SH3BP2: variants seen among roughly 807,000 people sequenced by gnomAD.
The protein encoded by SH3BP2 is SH3 domain binding protein 2.
A neutral mutation model predicts 56.2 loss-of-function variants in SH3BP2; 38 were observed. The ratio of observed to expected loss-of-function variants is 0.68; its 90% CI spans 0.52 to 0.89. The LOEUF (loss-of-function observed/expected upper bound fraction) is 0.89. Ranked by LOEUF, SH3BP2 falls within the 40% of genes least tolerant of loss-of-function variation. The pLI, the probability that SH3BP2 is intolerant of heterozygous loss-of-function variation, is 0.00. For synonymous variants in SH3BP2, 346 were observed against 316.7 expected, an observed-to-expected ratio of 1.09 and a Z score of -0.98; for missense variants, 748 against 762.6, an observed-to-expected ratio of 0.98 and a Z score of 0.23.
At chr4:2,821,656 C>T (rs1724312767) in intron 2 of SH3BP2, among the ~76,000 whole-genome samples, 1 of 151,996 alleles carries the variant, frequency 6.6e-6, no homozygotes, top group African/African-American at 2.4e-5. Context: ...ACCTCCCAGG[C>T]TCAGGTGATC....
rs536396560 is a variant in SH3BP2, at chr4:2,837,605, G to A, written c.*3771G>A. 6.6e-6 allele frequency: 1 copy of A among 152,606 alleles called. No homozygotes were observed. Among genetic ancestry groups the A allele is most frequent in the East Asian group, 1.9e-4 (1 of 5,200 alleles). 9.5% of individuals were successfully genotyped at this position (152,606 alleles called of 1,614,324 possible). ...TTTTGAGGGTGATCCAGGCGCTGGA[G>A]GGATGGCCTAGGACACCAGGGTCAC... On this transcript the variant is annotated 3_prime_UTR_variant, in exon 13 of 13. Coordinates refer to ENST00000503393, the MANE Select transcript of SH3BP2 (RefSeq NM_001122681.2).
intron 10 of SH3BP2, 27 bp from the exon 11 acceptor site, chr4:2,832,304 C>A: frequency 6.3e-7 from 1 of 1,592,278 alleles, no homozygotes; most frequent in Non-Finnish European, 8.6e-7. Context: ...GGAGGACTCA[C>A]CCGCTAATAT....
intron 1 of SH3BP2, chr4:2,799,228 A>G: frequency 1.0e-6 from 1 of 985,422 alleles, no homozygotes; most frequent in Non-Finnish European, 1.2e-6. Flanking sequence ...GGAATCTCTG[A>G]AATGCCTTCC....
Position 2,829,676 on chromosome 4 carries a change from A to AC in SH3BP2, c.773dup (p.Leu259ThrfsTer7). On this transcript the variant is annotated frameshift_variant, in exon 8 of 13. Transcript: ENST00000503393. LOFTEE classifies it high-confidence loss of function. The surrounding 1 kb of genome is among the most constrained non-coding windows in gnomAD (Gnocchi z 4.9). ...CTGGCTGCTGAGGACTCCAAGAGGG[A>AC]CCCACTGTGCCCGAGGCGGGCTGAG... 1 of 1,612,500 alleles carries AC rather than the reference A, an allele frequency of 6.2e-7. No individual in the cohort carries two copies. Among genetic ancestry groups the AC allele is most frequent in the Non-Finnish European group, 8.5e-7 (1 of 1,179,732 alleles).
intron 1 of SH3BP2, among the ~76,000 whole-genome samples, chr4:2,812,728 C>T (rs1330391223): frequency 7.3e-6 from 1 of 137,308 alleles, no homozygotes; most frequent in East Asian, 2.2e-4. Flanking sequence ...TAGAACCCCC[C>T]CCACCCCCCC....
intron 1 of SH3BP2, among the ~76,000 whole-genome samples, chr4:2,801,548 C>G (rs1577336171): frequency 6.6e-6 from 1 of 152,296 alleles, no homozygotes; most frequent in East Asian, 1.9e-4. Context: ...GTGGCTGTGG[C>G]CTGCTCTCCC....
At chr4:2,832,912 T>A in intron 11 of SH3BP2, 78 bp from the exon 12 acceptor site, 2 of 1,438,364 alleles carry the variant, frequency 1.4e-6, no homozygotes, top group Non-Finnish European at 2.0e-6. Context: ...TCTGCCCCCC[T>A]ATCCCCAGCC....
chr4:2,802,440 GTGTATGTATATA>G (rs1723326841), intron 1 of SH3BP2, among the ~76,000 whole-genome samples: 1 of 145,660 alleles, frequency 6.9e-6, no homozygotes. Context: ...GTGTGTGTGT[GTGTATGTATATA>G]TGTGTGTGTA....
chr4:2,815,719 C>T (rs1162630483), intron 1 of SH3BP2, among the ~76,000 whole-genome samples: 1 of 152,236 alleles, frequency 6.6e-6, no homozygotes, highest in Admixed American at 6.5e-5. Context: ...TTTCAGCTTC[C>T]TGTGCCTTCC....
In SH3BP2 at chr4:2,838,627, G is replaced by T. The variant is rs1367205907; in HGVS notation, c.*4793G>T. ...GTAAACTTTCTTAAAACATTATAAA[G>T]ATTTTTGTTTGCGATTTTTTTTTTT... On this transcript the variant is annotated 3_prime_UTR_variant, in exon 13 of 13. Coordinates refer to ENST00000503393, the MANE Select transcript of SH3BP2 (RefSeq NM_001122681.2). 7.2e-6 allele frequency: 1 copy of T among 139,284 alleles called. No individual in the cohort carries two copies. The highest frequency in any genetic ancestry group is 1.6e-5 in the Non-Finnish European group (1 of 63,514). The allele number at this position is 139,284 out of a possible 1,614,324, so 8.6% of individuals were successfully genotyped here.
chr4:2,801,452 C>G, intron 1 of SH3BP2, among the ~76,000 whole-genome samples: 1 of 152,226 alleles, frequency 6.6e-6, no homozygotes, highest in Non-Finnish European at 1.5e-5. Flanking sequence ...GCCTCTCTGT[C>G]AGCACCTCTT....
At chr4:2,806,304 C>G (rs956458295) in intron 1 of SH3BP2, among the ~76,000 whole-genome samples, 1 of 152,158 alleles carries the variant, frequency 6.6e-6, no homozygotes, top group Non-Finnish European at 1.5e-5. Flanking sequence ...GACAGTGAAA[C>G]CCTTCAGGCC....
In SH3BP2 at chr4:2,834,152, A is replaced by C; in HGVS notation, c.*318A>C. 2 of 296,022 alleles carry C rather than the reference A, an allele frequency of 6.8e-6. No individual in the cohort carries two copies. The highest frequency in any genetic ancestry group is 4.7e-5 in the Admixed American group (1 of 21,242). 18.3% of individuals were successfully genotyped at this position (296,022 alleles called of 1,614,324 possible). A position where few individuals can be genotyped will look rare whatever the true frequency, so the allele number is the denominator to read the frequency against. ...GAACACTGGTCCCCCCATCACACTC[A>C]CCCCTAAGTGGGCTGGGAGCCAGGC... On this transcript the variant is annotated 3_prime_UTR_variant, in exon 13 of 13. Transcript: ENST00000503393.
intron 3 of SH3BP2, chr4:2,823,358 C>T (rs1365837418): frequency 4.1e-6 from 2 of 492,134 alleles, no homozygotes; most frequent in African/African-American, 1.9e-5. Context: ...TCCTCCCTCC[C>T]CACCTTGCCC....
rs1005466990 is a variant in SH3BP2, at chr4:2,806,717, G to A, written c.-5+13579G>A. Among the ~76,000 whole-genome samples, 12 of 152,302 alleles carry A rather than the reference G, an allele frequency of 7.9e-5. No individual in the cohort carries two copies. In the South Asian group the frequency reaches 1.7e-3, roughly 21 times the overall value. On this transcript the variant is annotated intron_variant, in intron 1 of 12. Transcript: ENST00000503393. ...CCCTGCCTGGCCAGGCCAGAGCTCC[G>A]CCTAGGGCAACCCTCTTCCAGGTGT...
At chr4:2,823,317 C>T (rs1044835754) in intron 3 of SH3BP2, 1 of 541,840 alleles carries the variant, frequency 1.8e-6, no homozygotes, top group African/African-American at 1.9e-5. Context: ...AGAGTCTCCA[C>T]TCGGCCACCA....
chr4:2,829,525 C>A lies in SH3BP2; in HGVS notation c.619C>A (p.Pro207Thr). 1.9e-6 allele frequency: 3 copies of A among 1,613,590 alleles called. No homozygotes were observed. Among genetic ancestry groups the A allele is most frequent in the Non-Finnish European group, 1.7e-6 (2 of 1,179,970 alleles). The change falls in exon 8 of 13, where the codon CCC becomes ACC. Residue 207 changes from proline (P) to threonine (T), a missense_variant. Physicochemically the swap from Pro to Thr is conservative, Grantham distance 38 (BLOSUM62 -1). Around this residue, in one of 3 missense-constraint regions of SH3BP2, gnomAD observed 635 missense variants for 615.0 expected, o/e 1.03. Transcript: ENST00000503393. The surrounding 1 kb of genome is among the most constrained non-coding windows in gnomAD (Gnocchi z 4.9). ...GATGCACCCACCGGCTTACCCACCA[C>A]CCCCAGTGCCCACGCCCAGGAAGCC... ...ALMHPPAYPP[P>T]PVPTPRKPAF...
Position 2,840,234 on chromosome 4 carries a change from C to CAAAAAAAAAAAAAAAA in SH3BP2, c.*6405_*6420dup, listed in dbSNP as rs568332811. ...AGTGAGACCCTATCTCAAAAAAAAC[C>CAAAAAAAAAAAAAAAA]AAAAAAAAAAAAAAAAAAAAGAAAA... On this transcript the variant is annotated 3_prime_UTR_variant, in exon 13 of 13. Transcript: ENST00000503393. 6.0e-5 allele frequency: 5 copies of CAAAAAAAAAAAAAAAA among 82,806 alleles called. No individual in the cohort carries two copies. Among genetic ancestry groups the CAAAAAAAAAAAAAAAA allele is most frequent in the Admixed American group, 1.3e-4 (1 of 7,510 alleles). The allele number at this position is 82,806 out of a possible 1,614,324, so 5.1% of individuals were successfully genotyped here. A position where few individuals can be genotyped will look rare whatever the true frequency, so the allele number is the denominator to read the frequency against.
intron 1 of SH3BP2, chr4:2,812,231 C>G: frequency 6.6e-7 from 1 of 1,512,694 alleles, no homozygotes; most frequent in Non-Finnish European, 8.9e-7. Flanking sequence ...TTGGTGCTGC[C>G]CAGGGAGCAG....
Sources: gnomAD v4.1 joint callset for allele counts (sites outside exome capture counted in the v4.1 genomes callset) on GRCh38, gnomAD v4.1.1 for gene constraint, gnomAD v4.1.1 regional missense constraint, Gnocchi (gnomAD v3.1) non-coding constraint, MANE v1.5 for transcripts, NCBI Gene and HGNC (gene_info 2026-07-23, HGNC 2026-07-21) for gene names.